Variants in MRPS27 observed in about 807,000 individuals in gnomAD.
The protein encoded by MRPS27 is small ribosomal subunit protein mS27.
A neutral mutation model predicts 48.9 loss-of-function variants in MRPS27; 43 were observed. The observed-to-expected ratio is 0.88, with a 90% CI of 0.69 to 1.13. MRPS27 has a LOEUF of 1.13. MRPS27 is among the 50% of genes most tolerant of loss of function. The probability of loss-of-function intolerance (pLI) is 0.00; values close to 1 mark genes in which losing one functional copy is unlikely to be tolerated. For missense variants in MRPS27, 467 were observed against 476.3 expected (o/e 0.98, Z 0.18); for synonymous variants, 188 against 171.9 (o/e 1.09, Z -0.73).
chr5:72,307,862 T>G (rs1036404742), intron 2 of MRPS27: 2 of 152,190 alleles, frequency 1.3e-5, no homozygotes, highest in African/African-American at 4.8e-5. Flanking sequence ...TATATTATAC[T>G]CCAATAAAAA....
chr5:72,268,220 A>G (rs1459743932), intron 4 of MRPS27, among the ~76,000 whole-genome samples: 1 of 152,198 alleles, frequency 6.6e-6, no homozygotes, highest in East Asian at 1.9e-4. Flanking sequence ...AAATACAACA[A>G]ACTTAATTTA....
chr5:72,277,362 A>G lies in MRPS27; in HGVS notation c.281+18169T>C, dbSNP rs189166239. Among the ~76,000 whole-genome samples, 568 of 152,278 alleles carry G rather than the reference A, an allele frequency of 3.7e-3. 1 individual carries two copies. The highest frequency in any genetic ancestry group is 0.013 in the African/African-American group (550 of 41,574). ...ATTTGACCCAGCAATCCTATTACTGAGTATATACCCAAAGGAATATAAATC... is the reference window on the plus strand; with the variant it reads ...ATTTGACCCAGCAATCCTATTACTGGGTATATACCCAAAGGAATATAAATC... On this transcript the variant is annotated intron_variant, in intron 4 of 10. Transcript: ENST00000261413.
chr5:72,279,408 T>C lies in MRPS27; in HGVS notation c.281+16123A>G, dbSNP rs370049741. 3.9e-5 allele frequency among the ~76,000 whole-genome samples: 6 copies of C among 152,344 alleles called. No individual in the cohort carries two copies. In the East Asian group the frequency reaches 9.6e-4, roughly 24 times the overall value. ...CAAATCTTCCCTGGTCTTTTAATTT[T>C]GTTACTGGTGGTAACAAAATTTTTG... On this transcript the variant is annotated intron_variant, in intron 4 of 10. Transcript: ENST00000261413.
intron 2 of MRPS27, among the ~76,000 whole-genome samples, chr5:72,305,281 CCA>C (rs1420254922): frequency 1.3e-5 from 2 of 152,118 alleles, no homozygotes; most frequent in African/African-American, 4.8e-5. Flanking sequence ...TGAATAGATG[CCA>C]CAGAGATGCA....
intron 1 of MRPS27, 39 bp from the exon 2 acceptor site, chr5:72,314,197 A>G: frequency 7.0e-7 from 1 of 1,437,336 alleles, no homozygotes; most frequent in Non-Finnish European, 9.8e-7. Context: ...ACATGGTTTT[A>G]CAAGAGGTTC....
intron 4 of MRPS27, among the ~76,000 whole-genome samples, chr5:72,292,931 A>T (rs1392227373): frequency 6.6e-6 from 1 of 152,028 alleles, no homozygotes; most frequent in Non-Finnish European, 1.5e-5. Context: ...CTCACCTTAG[A>T]CCTGGAATTG....
chr5:72,269,704 G>A (rs1271143744), intron 4 of MRPS27, among the ~76,000 whole-genome samples: 1 of 152,150 alleles, frequency 6.6e-6, no homozygotes, highest in East Asian at 1.9e-4. Flanking sequence ...TTTTACACAC[G>A]TGTGGGGGAT....
chr5:72,298,622 C>T (rs1003349324), intron 2 of MRPS27, among the ~76,000 whole-genome samples: 37 of 147,626 alleles, frequency 2.5e-4, no homozygotes, highest in African/African-American at 8.7e-4. Context: ...AGGAGAATGG[C>T]GTGAACCCGG....
At chr5:72,291,342 G>C (rs868186416) in intron 4 of MRPS27, among the ~76,000 whole-genome samples, 12 of 152,154 alleles carry the variant, frequency 7.9e-5, no homozygotes, top group African/African-American at 2.9e-4. Flanking sequence ...TTTTTGTCTT[G>C]AACCCTCTGG....
intron 2 of MRPS27, among the ~76,000 whole-genome samples, chr5:72,306,964 A>C (rs557994673): frequency 5.3e-5 from 8 of 152,324 alleles, no homozygotes; most frequent in African/African-American, 1.9e-4. Flanking sequence ...AGATTCAGAA[A>C]GAGTTAACGG....
At chr5:72,241,462 G>A (rs1363748041) in intron 4 of MRPS27, 5 of 573,246 alleles carry the variant, frequency 8.7e-6, no homozygotes, top group East Asian at 5.8e-5. Flanking sequence ...ATAAACTTAC[G>A]TGAGTGGCTA....
intron 4 of MRPS27, among the ~76,000 whole-genome samples, chr5:72,284,592 G>A (rs1024461229): frequency 2.6e-5 from 4 of 152,080 alleles, no homozygotes; most frequent in Non-Finnish European, 4.4e-5. Flanking sequence ...AGTTACAAGA[G>A]ACAATTCAAT....
chr5:72,232,797 C>T (rs1006291859), intron 6 of MRPS27, among the ~76,000 whole-genome samples: 1 of 152,168 alleles, frequency 6.6e-6, no homozygotes, highest in African/African-American at 2.4e-5. Context: ...ACTGCACCAA[C>T]GTCCTGAAGG....
chr5:72,245,826 G>A lies in MRPS27; in HGVS notation c.282-7698C>T, dbSNP rs1748498302. On this transcript the variant is annotated intron_variant, in intron 4 of 10. Coordinates refer to ENST00000261413, the MANE Select transcript of MRPS27 (RefSeq NM_015084.3). The stretch of plus-strand genomic sequence containing the variant: ...CTTTAGGGGTATTTCTGAGGGAAGA[G>A]AAGCTCAGTACTAATCAGGATTTCT... Among the ~76,000 whole-genome samples the A allele has an allele frequency of 2.0e-5, 3 of 152,192 alleles. 1 individual carries two copies. Among genetic ancestry groups the A allele is most frequent in the Admixed American group, 2.0e-4 (3 of 15,276 alleles).
intron 4 of MRPS27, among the ~76,000 whole-genome samples, chr5:72,259,035 C>T (rs1016780243): frequency 6.6e-6 from 1 of 152,126 alleles, no homozygotes; most frequent in African/African-American, 2.4e-5. Flanking sequence ...CCTCCCCCAA[C>T]CATGGTTCTT....
At chr5:72,284,394 A>C (rs1475677636) in intron 4 of MRPS27, among the ~76,000 whole-genome samples, 1 of 151,834 alleles carries the variant, frequency 6.6e-6, no homozygotes, top group Non-Finnish European at 1.5e-5. Flanking sequence ...ACTGCATGCC[A>C]GCCTGGGCAA....
intron 2 of MRPS27, among the ~76,000 whole-genome samples, chr5:72,300,904 C>T (rs1466705288): frequency 6.6e-6 from 1 of 152,066 alleles, no homozygotes; most frequent in Non-Finnish European, 1.5e-5. Flanking sequence ...AAATAAAATC[C>T]ATATAATTAC....
chr5:72,251,888 C>A (rs922504107), intron 4 of MRPS27, among the ~76,000 whole-genome samples: 1 of 152,186 alleles, frequency 6.6e-6, no homozygotes, highest in African/African-American at 2.4e-5. Context: ...CCCCCTTTTC[C>A]ATCACGTGCC....
intron 10 of MRPS27, among the ~76,000 whole-genome samples, chr5:72,221,884 T>G (rs1022606101): frequency 3.6e-5 from 5 of 139,398 alleles, no homozygotes; most frequent in Admixed American, 2.1e-4. Context: ...TTGGTTGGTG[T>G]TGTGCTCCTG....
Sources: gnomAD v4.1 joint callset for allele counts (sites outside exome capture counted in the v4.1 genomes callset) on GRCh38, gnomAD v4.1.1 for gene constraint, MANE v1.5 for transcripts, NCBI Gene and HGNC (gene_info 2026-07-23, HGNC 2026-07-21) for gene names.